The following LY6S variants were observed in gnomAD, a reference collection of about 807,000 sequenced individuals.
LY6S encodes lymphocyte antigen 6S.
At chr8:143,051,861 A>G in the LY6S span, among the ~76,000 whole-genome samples, 1 of 150,848 alleles carries the variant, frequency 6.6e-6, no homozygotes, top group Admixed American at 6.6e-5. Flanking sequence ...AATTCCAGCT[A>G]CTCGGGAGGC....
chr8:143,065,560 AT>A, the LY6S span, among the ~76,000 whole-genome samples: 454 of 145,540 alleles, frequency 3.1e-3, 1 homozygote, highest in African/African-American at 5.4e-3. Flanking sequence ...GCAATAGAAT[AT>A]TTTTTTTTTT....
chr8:143,066,729 A>G, the LY6S span: 1 of 154,688 alleles, frequency 6.5e-6, no homozygotes, highest in African/African-American at 2.4e-5. Flanking sequence ...TCAAAGGCTC[A>G]TAGGTGGAAA....
At chr8:143,061,823 T>C in the LY6S span, among the ~76,000 whole-genome samples, 150,550 of 152,344 alleles carry the variant, frequency 0.99, 74,411 homozygotes, top group East Asian at 1. Flanking sequence ...GGATTACAGG[T>C]GTGAGTCACC....
At chr8:143,057,465 G>C in the LY6S span, 2 of 620,870 alleles carry the variant, frequency 3.2e-6, no homozygotes, top group East Asian at 3.2e-5. Flanking sequence ...GGCCAGGCTG[G>C]TTTCGAACTC....
chr8:143,060,660 G>A, the LY6S span, among the ~76,000 whole-genome samples: 1 of 152,154 alleles, frequency 6.6e-6, no homozygotes, highest in Non-Finnish European at 1.5e-5. Flanking sequence ...GGCATTCAGG[G>A]TCACTACCGG....
the LY6S span, among the ~76,000 whole-genome samples, chr8:143,062,284 G>A: frequency 2.0e-5 from 3 of 152,180 alleles, no homozygotes; most frequent in South Asian, 2.1e-4. Flanking sequence ...GTTAAAGACA[G>A]TATCATTTAT....
At chr8:143,053,095 A>C in the LY6S span, 1 of 152,252 alleles carries the variant, frequency 6.6e-6, no homozygotes, top group Non-Finnish European at 1.5e-5. Context: ...GTTCCCCAGC[A>C]GATCAACTTC....
the LY6S span, chr8:143,054,398 C>T: frequency 6.6e-6 from 1 of 151,858 alleles, no homozygotes; most frequent in Non-Finnish European, 1.5e-5. Context: ...ACACTACCAT[C>T]CAACTCTACC....
At chr8:143,064,569 A>AAATCCTGG in the LY6S span, among the ~76,000 whole-genome samples, 1 of 152,338 alleles carries the variant, frequency 6.6e-6, no homozygotes, top group East Asian at 1.9e-4. Flanking sequence ...GAGAGCTTTG[A>AAATCCTGG]AATCCTGGTG....
the LY6S span, among the ~76,000 whole-genome samples, chr8:143,064,070 G>A: frequency 6.6e-6 from 1 of 152,196 alleles, no homozygotes; most frequent in Non-Finnish European, 1.5e-5. Context: ...TGAGAATTTG[G>A]GAGCCCCAGG....
At chr8:143,043,153 G>A in the LY6S span, 1 of 1,367,816 alleles carries the variant, frequency 7.3e-7, no homozygotes, top group Non-Finnish European at 9.8e-7. Context: ...ACTGACCCCA[G>A]GCTGAGCAGG....
chr8:143,073,809 G>T, the LY6S span, among the ~76,000 whole-genome samples: 1 of 146,054 alleles, frequency 6.8e-6, no homozygotes, highest in African/African-American at 2.5e-5. Flanking sequence ...GTCGTCCCCG[G>T]GGTCCCTGTT....
chr8:143,075,845 C>T, the LY6S span, among the ~76,000 whole-genome samples: 1 of 151,934 alleles, frequency 6.6e-6, no homozygotes, highest in African/African-American at 2.4e-5. This position sits in a 1 kb window ranked among gnomAD's most constrained non-coding sequence, Gnocchi z 4.1. Flanking sequence ...TTTTAATTTC[C>T]AATATGACTT....
At chr8:143,047,485 A>C in the LY6S span, among the ~76,000 whole-genome samples, 1 of 152,132 alleles carries the variant, frequency 6.6e-6, no homozygotes, top group Non-Finnish European at 1.5e-5. Context: ...TAGGTAGTCA[A>C]GGAAGTGACC....
chr8:143,071,428 A>AAT, the LY6S span, among the ~76,000 whole-genome samples: 1 of 152,198 alleles, frequency 6.6e-6, no homozygotes, highest in Non-Finnish European at 1.5e-5. Flanking sequence ...AAACCCGCAG[A>AAT]ATATACAACA....
the LY6S span, among the ~76,000 whole-genome samples, chr8:143,073,763 C>T: frequency 6.6e-6 from 1 of 150,454 alleles, no homozygotes; most frequent in African/African-American, 2.5e-5. Flanking sequence ...GAGGAGACAG[C>T]CATCGTCCCC....
the LY6S span, among the ~76,000 whole-genome samples, chr8:143,070,714 C>T: frequency 4.1e-3 from 620 of 151,092 alleles, 5 homozygotes; most frequent in African/African-American, 0.014. Flanking sequence ...CTCGAACTCC[C>T]GACCTCGTGA....
chr8:143,075,819 T>A, the LY6S span, among the ~76,000 whole-genome samples: 1 of 152,250 alleles, frequency 6.6e-6, no homozygotes, highest in Non-Finnish European at 1.5e-5. The surrounding 1 kb of genome is among the most constrained non-coding windows in gnomAD (Gnocchi z 4.1). Context: ...ATCTTAGTTT[T>A]AATCATTTCT....
the LY6S span, among the ~76,000 whole-genome samples, chr8:143,071,403 G>A: frequency 6.6e-6 from 1 of 152,210 alleles, no homozygotes; most frequent in South Asian, 2.1e-4. Context: ...GACGCATGAT[G>A]TTATGGATTT....
Sources: allele counts gnomAD v4.1 joint callset (sites outside exome capture counted in the v4.1 genomes callset), GRCh38; gene constraint gnomAD v4.1.1; non-coding constraint Gnocchi (gnomAD v3.1); transcripts MANE v1.5; gene names NCBI Gene and HGNC (gene_info 2026-07-23, HGNC 2026-07-21).